The following MCM9 variants were observed in gnomAD, a reference collection of about 807,000 sequenced individuals.
MCM9 encodes the protein minichromosome maintenance 9 homologous recombination repair factor.
In MCM9, 55 loss-of-function variants were observed where a neutral mutation model predicts 72.8. The observed-to-expected ratio is 0.76, with a 90% CI of 0.61 to 0.95. MCM9 has a LOEUF of 0.95. Ranked by LOEUF, MCM9 falls within the 40% of genes least tolerant of loss-of-function variation. The pLI, the probability that MCM9 is intolerant of heterozygous loss-of-function variation, is 0.00. For synonymous variants in MCM9, 480 were observed against 503.4 expected (o/e 0.95, Z 0.62); for missense variants, 1,279 against 1,377.0 (o/e 0.93, Z 1.13).
chr6:118,928,337 G>A (rs529818095), intron 3 of MCM9, among the ~76,000 whole-genome samples: 1 of 152,136 alleles, frequency 6.6e-6, no homozygotes, highest in South Asian at 2.1e-4. Context: ...CTTGAACCTG[G>A]GAGGCAGAGG....
At chr6:118,859,242 C>T (rs1049029186) in intron 8 of MCM9, among the ~76,000 whole-genome samples, 1 of 152,138 alleles carries the variant, frequency 6.6e-6, no homozygotes, top group Non-Finnish European at 1.5e-5. Flanking sequence ...GATCATACCT[C>T]ACATGTAATA....
rs531556295 is a variant in MCM9 at position 118,906,600 on chromosome 6, G to A, written c.1150+5050C>T. Among the ~76,000 whole-genome samples the A allele has an allele frequency of 5.3e-5, 8 of 152,214 alleles. No homozygotes were observed. In the South Asian group the frequency reaches 1.5e-3, roughly 28 times the overall value. ...TACGGTTATCTCAAAACACCTATAC[G>A]CTTTATCTGCTATTCTTAGAAGTTA... On this transcript the variant is annotated intron_variant, in intron 8 of 13. Coordinates refer to ENST00000619706, the MANE Select transcript of MCM9 (RefSeq NM_017696.3).
chr6:118,868,052 T>C (rs1330341622), intron 8 of MCM9, among the ~76,000 whole-genome samples: 1 of 151,990 alleles, frequency 6.6e-6, no homozygotes, highest in Non-Finnish European at 1.5e-5. Flanking sequence ...AATTTTTGTA[T>C]TTTTAGTAGA....
chr6:118,848,030 C>T (rs1026199267), intron 9 of MCM9, among the ~76,000 whole-genome samples: 1 of 151,822 alleles, frequency 6.6e-6, no homozygotes, highest in South Asian at 2.1e-4. Context: ...TAATCAGGAG[C>T]CCCTCCTAAG....
rs1478315805 is a variant in MCM9, at chr6:118,814,532, C to CA, written c.*291dup. On this transcript the variant is annotated 3_prime_UTR_variant, in exon 14 of 14. Coordinates refer to ENST00000619706, the MANE Select transcript of MCM9 (RefSeq NM_017696.3). ...TCTCCCCCTTAAAAACAAAACAAAA[C>CA]AAAAAACAGAAACAGCTTCAGGAAC... The CA allele has an allele frequency of 2.5e-5, 6 of 244,446 alleles. No individual in the cohort carries two copies. Among genetic ancestry groups the CA allele is most frequent in the South Asian group, 3.5e-4 (2 of 5,792 alleles). The allele number at this position is 244,446 out of a possible 1,614,324, so 15.1% of individuals were successfully genotyped here. A position where few individuals can be genotyped will look rare whatever the true frequency, so the allele number is the denominator to read the frequency against.
intron 8 of MCM9, among the ~76,000 whole-genome samples, chr6:118,878,223 T>C (rs896180405): frequency 6.6e-6 from 1 of 151,862 alleles, no homozygotes; most frequent in African/African-American, 2.4e-5. Flanking sequence ...GGAGAGAATA[T>C]TAAAAGATAA....
At chr6:118,922,931 C>A (rs548136777) in intron 4 of MCM9, among the ~76,000 whole-genome samples, 127 of 146,584 alleles carry the variant, frequency 8.7e-4, no homozygotes, top group African/African-American at 3.1e-3. Context: ...ACTCGGGAGG[C>A]TAAGACAGGA....
At chr6:118,926,734 A>G (rs970825629) in intron 3 of MCM9, among the ~76,000 whole-genome samples, 2 of 152,236 alleles carry the variant, frequency 1.3e-5, no homozygotes, top group Admixed American at 6.5e-5. Context: ...TAATGCAACT[A>G]CAAACATTTG....
chr6:118,855,880 C>T lies in MCM9; in HGVS notation c.1325+491G>A, dbSNP rs1776522474. On this transcript the variant is annotated intron_variant, in intron 9 of 13. Coordinates refer to ENST00000619706, the MANE Select transcript of MCM9 (RefSeq NM_017696.3). ...GGGACTCACACAGCTCAATCCTGAGCCTCTTTGAATCACAAAAGGCATTTC... is the reference window on the plus strand; with the variant it reads ...GGGACTCACACAGCTCAATCCTGAGTCTCTTTGAATCACAAAAGGCATTTC... Among the ~76,000 whole-genome samples the T allele has an allele frequency of 2.0e-5, 3 of 152,162 alleles. No homozygotes were observed. In the South Asian group the frequency reaches 6.2e-4, roughly 31 times the overall value.
rs771792145 is a variant in MCM9 at position 118,931,562 on chromosome 6, G to A, written c.162C>T (p.Ile54=). The A allele has an allele frequency of 7.4e-6, 12 of 1,613,938 alleles. No individual in the cohort carries two copies. The highest frequency in any genetic ancestry group is 2.2e-5 in the East Asian group (1 of 44,882). The change falls in exon 3 of 14, where the codon ATC becomes ATT. Residue 54 remains isoleucine (I), a synonymous_variant. Coordinates refer to ENST00000619706, the MANE Select transcript of MCM9 (RefSeq NM_017696.3). ...TGGGGAACATGTTGAAATATTCCCC[G>A]ATTTCCATGTTGGTCTCAAACAGAG... ...AMTLFETNME[I]GEYFNMFPSE... is the part of the protein sequence containing the mutation.
chr6:118,919,742 A>G (rs1164474814), intron 5 of MCM9: 2 of 152,122 alleles, frequency 1.3e-5, no homozygotes, highest in Non-Finnish European at 2.9e-5. Flanking sequence ...CTTTTCTACA[A>G]TCCAGTCTCT....
intron 8 of MCM9, among the ~76,000 whole-genome samples, chr6:118,878,166 C>G (rs139639392): frequency 9.2e-5 from 14 of 151,676 alleles, no homozygotes; most frequent in African/African-American, 3.4e-4. Flanking sequence ...TGCCTCAAAA[C>G]AGAAAAACAA....
chr6:118,930,869 T>C (rs910316682), intron 3 of MCM9, among the ~76,000 whole-genome samples: 2 of 152,212 alleles, frequency 1.3e-5, no homozygotes, highest in African/African-American at 2.4e-5. Context: ...CAAGGACTCC[T>C]AGAGGCAGGA....
At chr6:118,852,163 G>C (rs1300175978) in intron 9 of MCM9, among the ~76,000 whole-genome samples, 1 of 152,100 alleles carries the variant, frequency 6.6e-6, no homozygotes, top group Non-Finnish European at 1.5e-5. Context: ...ATGTATTTGT[G>C]CATCTAAACA....
chr6:118,903,544 C>T (rs1179031567), intron 8 of MCM9, among the ~76,000 whole-genome samples: 3 of 151,814 alleles, frequency 2.0e-5, no homozygotes, highest in Non-Finnish European at 4.4e-5. Flanking sequence ...ACAGGGCATA[C>T]GTTCTTAGAT....
intron 8 of MCM9, among the ~76,000 whole-genome samples, chr6:118,894,754 AGCGGAGGT>A (rs1284811978): frequency 6.6e-6 from 1 of 150,742 alleles, no homozygotes; most frequent in African/African-American, 2.5e-5. Flanking sequence ...TGAGCGGAGG[AGCGGAGGT>A]AGCCATGTTG....
chr6:118,884,896 T>C (rs1328383619), intron 8 of MCM9, among the ~76,000 whole-genome samples: 3 of 152,072 alleles, frequency 2.0e-5, no homozygotes, highest in African/African-American at 7.2e-5. Flanking sequence ...CAAAGAACCC[T>C]AAGATTAAAA....
intron 9 of MCM9, among the ~76,000 whole-genome samples, chr6:118,844,634 A>C (rs893273109): frequency 2.0e-5 from 3 of 151,798 alleles, no homozygotes; most frequent in African/African-American, 4.9e-5. Flanking sequence ...AACTGTAAAA[A>C]CTATTACAGA....
Position 118,815,829 on chromosome 6 carries a change from T to C in MCM9, c.2427A>G (p.Pro809=). Residue 809 remains proline, a synonymous_variant, in exon 14 of 14, where the codon CCA becomes CCG. Coordinates refer to ENST00000619706, the MANE Select transcript of MCM9 (RefSeq NM_017696.3). ...LLPSPGETGV[P]WRADNVESNK... is the part of the protein sequence containing the mutation. ...TACTTTCCACATTGTCTGCCCTCCATGGAACACCTGTCTCTCCTGGTGATG... is the reference window on the plus strand; with the variant it reads ...TACTTTCCACATTGTCTGCCCTCCACGGAACACCTGTCTCTCCTGGTGATG... 2 of 1,539,534 alleles carry C rather than the reference T, an allele frequency of 1.3e-6. No homozygotes were observed. Among genetic ancestry groups the C allele is most frequent in the Non-Finnish European group, 1.7e-6 (2 of 1,147,034 alleles).
Sources: gnomAD v4.1 joint callset for allele counts (sites outside exome capture counted in the v4.1 genomes callset) on GRCh38, gnomAD v4.1.1 for gene constraint, MANE v1.5 for transcripts, NCBI Gene and HGNC (gene_info 2026-07-23, HGNC 2026-07-21) for gene names.